HCRTR2: variants seen among roughly 807,000 people sequenced by gnomAD.
HCRTR2 encodes the protein orexin receptor type 2.
Under a neutral mutation model 49.0 loss-of-function variants are expected in HCRTR2, and 22 were observed. The observed-to-expected ratio is 0.45, with a 90% CI of 0.32 to 0.64. The LOEUF (loss-of-function observed/expected upper bound fraction) is 0.64. HCRTR2 is among the 30% of genes least tolerant of loss of function. HCRTR2 has a pLI of 0.04. For synonymous variants in HCRTR2, 236 were observed against 205.3 expected (o/e 1.15, Z -1.28); for missense variants, 491 against 559.4 (o/e 0.88, Z 1.23).
chr6:55,237,638 C>T (rs1307003256), intron 1 of HCRTR2, among the ~76,000 whole-genome samples: 1 of 152,146 alleles, frequency 6.6e-6, no homozygotes, highest in Non-Finnish European at 1.5e-5. Flanking sequence ...AGAGCATCTC[C>T]CTCTTGCATT....
At chr6:55,249,321 T>A (rs1319694578) in intron 2 of HCRTR2, among the ~76,000 whole-genome samples, 2 of 152,122 alleles carry the variant, frequency 1.3e-5, no homozygotes, top group Admixed American at 1.3e-4. Flanking sequence ...ACTGAAGAAT[T>A]AAGACCTACT....
intron 3 of HCRTR2, among the ~76,000 whole-genome samples, chr6:55,260,537 C>T (rs1766734712): frequency 6.6e-6 from 1 of 152,158 alleles, no homozygotes; most frequent in African/African-American, 2.4e-5. Flanking sequence ...TGAGTGCTAC[C>T]TGGGCCAGAG....
intron 1 of HCRTR2, among the ~76,000 whole-genome samples, chr6:55,138,654 T>G (rs529841172): frequency 6.6e-6 from 1 of 152,314 alleles, no homozygotes; most frequent in African/African-American, 2.4e-5. Context: ...GAGCCAGAAT[T>G]TTTACTGTGT....
intron 1 of HCRTR2, among the ~76,000 whole-genome samples, chr6:55,146,608 T>TCCTTA (rs1422744178): frequency 6.6e-6 from 1 of 151,074 alleles, no homozygotes; most frequent in Non-Finnish European, 1.5e-5. Flanking sequence ...TTTTTTTTTC[T>TCCTTA]CCTTAAGATG....
chr6:55,111,391 G>A (rs1182953724), intron 1 of HCRTR2, among the ~76,000 whole-genome samples: 1 of 151,864 alleles, frequency 6.6e-6, no homozygotes, highest in Non-Finnish European at 1.5e-5. Flanking sequence ...TCTTTGAAAA[G>A]ATAAAATTGA....
intron 2 of HCRTR2, among the ~76,000 whole-genome samples, chr6:55,252,974 A>G (rs557745101): frequency 1.3e-5 from 2 of 152,044 alleles, no homozygotes; most frequent in Admixed American, 6.6e-5. Flanking sequence ...ATACAATTCC[A>G]TGGTTAGGTA....
In HCRTR2 at chr6:55,245,467, TTTTATATATATATATATATATATA is replaced by T. The variant is rs1244830852; in HGVS notation, c.224-3170_224-3147del. Reference sequence around the variant, plus strand: ...TATACACATAGAATACATAGGAAGATTTTATATATATATATATATATATATATATATATATATATCTTCCCCAAA... The same window carrying T: ...TATACACATAGAATACATAGGAAGATTATATATATATATATCTTCCCCAAA... On this transcript the variant is annotated intron_variant, in intron 1 of 6. Transcript: ENST00000370862. 2.0e-5 allele frequency among the ~76,000 whole-genome samples: 2 copies of T among 101,422 alleles called. 1 individual carries two copies. The highest frequency in any genetic ancestry group is 8.8e-5 in the African/African-American group (2 of 22,816). 66.5% of individuals were successfully genotyped at this position (101,422 alleles called of 152,430 possible). A position where few individuals can be genotyped will look rare whatever the true frequency, so the allele number is the denominator to read the frequency against.
intron 1 of HCRTR2, among the ~76,000 whole-genome samples, chr6:55,188,450 C>T (rs75985901): frequency 0.018 from 2,687 of 152,300 alleles, 73 homozygotes; most frequent in African/African-American, 0.061. Flanking sequence ...GATTTGAAGT[C>T]ATGCAAAGAT....
chr6:55,111,322 G>C (rs1424182060), intron 1 of HCRTR2, among the ~76,000 whole-genome samples: 1 of 151,186 alleles, frequency 6.6e-6, no homozygotes, highest in Non-Finnish European at 1.5e-5. Context: ...ACAAAGATCT[G>C]AGCAGAACTG....
At chr6:55,227,731 T>C (rs1394116045) in intron 1 of HCRTR2, among the ~76,000 whole-genome samples, 1 of 152,116 alleles carries the variant, frequency 6.6e-6, no homozygotes, top group Non-Finnish European at 1.5e-5. Context: ...TTGGTTATAC[T>C]TGGCGGGGGG....
downstream of HCRTR2, among the ~76,000 whole-genome samples, chr6:55,284,548 A>G (rs1423334541): frequency 6.6e-6 from 1 of 152,168 alleles, no homozygotes; most frequent in African/African-American, 2.4e-5. Context: ...TGTGTGAAAT[A>G]AAGTCTTTTA....
At chr6:55,239,677 A>C (rs1373288358) in intron 1 of HCRTR2, among the ~76,000 whole-genome samples, 2 of 151,970 alleles carry the variant, frequency 1.3e-5, no homozygotes, top group Non-Finnish European at 2.9e-5. Context: ...ATGAGAAAAT[A>C]TTTGTCCAAT....
At chr6:55,217,894 C>T (rs1765818095) in intron 1 of HCRTR2, among the ~76,000 whole-genome samples, 1 of 152,086 alleles carries the variant, frequency 6.6e-6, no homozygotes, top group Non-Finnish European at 1.5e-5. Context: ...TTCTTGTTAC[C>T]AAAGCCTGTA....
chr6:55,253,176 G>C (rs2127315494), intron 2 of HCRTR2, among the ~76,000 whole-genome samples: 1 of 150,630 alleles, frequency 6.6e-6, no homozygotes. Context: ...ATCTTATCCT[G>C]TTGATTTACT....
chr6:55,201,140 C>T (rs1765506667), intron 1 of HCRTR2, among the ~76,000 whole-genome samples: 1 of 151,992 alleles, frequency 6.6e-6, no homozygotes, highest in African/African-American at 2.4e-5. Flanking sequence ...TTTTCCCTGC[C>T]TTGGTCATTT....
intron 3 of HCRTR2, 100 bp downstream of exon 3, chr6:55,255,479 T>G: frequency 1.4e-6 from 2 of 1,390,220 alleles, no homozygotes; most frequent in Non-Finnish European, 1.0e-6. Context: ...TATATTTTAT[T>G]GACATTTGTG....
intron 1 of HCRTR2, among the ~76,000 whole-genome samples, chr6:55,145,706 C>T (rs1474195647): frequency 6.6e-6 from 1 of 152,070 alleles, no homozygotes. Flanking sequence ...TGAGACACTG[C>T]GCCCGGCTGT....
intron 1 of HCRTR2, among the ~76,000 whole-genome samples, chr6:55,125,688 GATAATATCCT>G (rs1444174750): frequency 6.6e-6 from 1 of 152,102 alleles, no homozygotes; most frequent in South Asian, 2.1e-4. Context: ...CGTTTTCTTG[GATAATATCCT>G]GAAGAGTGTT....
At chr6:55,207,030 T>C (rs1043170631) in intron 1 of HCRTR2, among the ~76,000 whole-genome samples, 3 of 152,132 alleles carry the variant, frequency 2.0e-5, no homozygotes, top group African/African-American at 7.2e-5. Flanking sequence ...TTTGCTTTGC[T>C]ATAAAATGGG....
Sources: gnomAD v4.1 joint callset for allele counts (sites outside exome capture counted in the v4.1 genomes callset) on GRCh38, gnomAD v4.1.1 for gene constraint, MANE v1.5 for transcripts, NCBI Gene and HGNC (gene_info 2026-07-23, HGNC 2026-07-21) for gene names.